The following WWOX variants were observed in gnomAD, a reference collection of about 807,000 sequenced individuals.
The protein encoded by WWOX is WW domain-containing oxidoreductase.
In WWOX, 69 loss-of-function variants were observed where a neutral mutation model predicts 46.2. The observed-to-expected ratio is 1.49, with a 90% CI of 1.23 to 1.82. The LOEUF (loss-of-function observed/expected upper bound fraction) is 1.82. Among genes scored for constraint, WWOX ranks in the 40% most tolerant of loss-of-function variants. The probability of loss-of-function intolerance (pLI) is 0.00; values close to 1 mark genes in which losing one functional copy is unlikely to be tolerated. For missense variants in WWOX, 919 were observed against 542.6 expected (o/e 1.69, Z -6.89); for synonymous variants, 359 against 202.6 (o/e 1.77, Z -6.56).
At chr16:78,669,153 G>C in intron 8 of WWOX, among the ~76,000 whole-genome samples, 1 of 152,148 alleles carries the variant, frequency 6.6e-6, no homozygotes, top group Non-Finnish European at 1.5e-5. Context: ...GGAAGCTGGA[G>C]AAGGGACCCC....
At chr16:78,680,347 C>T (rs150535843) in intron 8 of WWOX, among the ~76,000 whole-genome samples, 1 of 152,194 alleles carries the variant, frequency 6.6e-6, no homozygotes, top group Non-Finnish European at 1.5e-5. Context: ...AGTTCAAGAC[C>T]AGCCTGAACG....
intron 5 of WWOX, among the ~76,000 whole-genome samples, chr16:78,265,405 G>A (rs557062438): frequency 6.6e-6 from 1 of 152,276 alleles, no homozygotes; most frequent in African/African-American, 2.4e-5. Context: ...GAACGGGCAG[G>A]CGTGGTGGCA....
At chr16:78,132,674 G>C (rs2033644798) in intron 4 of WWOX, among the ~76,000 whole-genome samples, 1 of 152,056 alleles carries the variant, frequency 6.6e-6, no homozygotes, top group Non-Finnish European at 1.5e-5. Flanking sequence ...TTATTTTGTG[G>C]GCAGATTTCT....
At chr16:79,113,141 A>T (rs1044454329) in intron 8 of WWOX, among the ~76,000 whole-genome samples, 10 of 152,210 alleles carry the variant, frequency 6.6e-5, no homozygotes, top group African/African-American at 1.9e-4. Context: ...ACACGTTGTG[A>T]TAAGGGTTTT....
chr16:79,197,069 C>A (rs374771972), intron 8 of WWOX, among the ~76,000 whole-genome samples: 3 of 152,126 alleles, frequency 2.0e-5, no homozygotes, highest in Non-Finnish European at 4.4e-5. Context: ...AGTATAGTTA[C>A]CTTGGGCCAG....
chr16:78,885,654 G>A (rs2044439877), intron 8 of WWOX, among the ~76,000 whole-genome samples: 1 of 152,124 alleles, frequency 6.6e-6, no homozygotes, highest in Non-Finnish European at 1.5e-5. Flanking sequence ...TGGTAGACTG[G>A]AGAATTTATG....
At chr16:78,738,613 A>G (rs1417948991) in intron 8 of WWOX, among the ~76,000 whole-genome samples, 3 of 152,178 alleles carry the variant, frequency 2.0e-5, no homozygotes, top group Non-Finnish European at 4.4e-5. Flanking sequence ...CTGAACAGCC[A>G]TTTATATTTT....
rs75570120 is a variant in WWOX at position 78,101,579 on chromosome 16, C to A, written c.107+1694C>A. On this transcript the variant is annotated intron_variant, in intron 1 of 8. Coordinates refer to ENST00000566780, the MANE Select transcript of WWOX (RefSeq NM_016373.4). Reference sequence around the variant, plus strand: ...CAAGTGATCCGCCCACCTCGGCCCCCCAAAGTGTTGGCATTACAGACAGGA... The same window carrying A: ...CAAGTGATCCGCCCACCTCGGCCCCACAAAGTGTTGGCATTACAGACAGGA... Among the ~76,000 whole-genome samples the A allele has an allele frequency of 7.9e-5, 12 of 152,162 alleles. No homozygotes were observed. The East Asian group carries it at 1.2e-3, about 15-fold the overall frequency.
In WWOX at chr16:79,063,362, C is replaced by T. The variant is rs189164425; in HGVS notation, c.1057-148246C>T. ...ATATTTCCTGGCGTGCGTATCTTGG[C>T]CCCATCACATCACAACAGGCTGAAT... On this transcript the variant is annotated intron_variant, in intron 8 of 8. Transcript: ENST00000566780. Among the ~76,000 whole-genome samples, 424 of 152,300 alleles carry T rather than the reference C, an allele frequency of 2.8e-3. 3 individuals are homozygous for T. Among genetic ancestry groups the T allele is most frequent in the African/African-American group, 0.01 (417 of 41,560 alleles).
intron 8 of WWOX, among the ~76,000 whole-genome samples, chr16:78,518,944 A>G (rs1287008140): frequency 6.6e-6 from 1 of 152,240 alleles, no homozygotes; most frequent in African/African-American, 2.4e-5. Flanking sequence ...AGTATAGGAA[A>G]AGGCAGCTTA....
intron 8 of WWOX, among the ~76,000 whole-genome samples, chr16:78,501,280 C>G (rs1311211788): frequency 2.1e-5 from 3 of 144,632 alleles, no homozygotes; most frequent in East Asian, 2.1e-4. Context: ...AAAGCAGACC[C>G]CTTGGTTCAG....
At chr16:78,441,472 G>C (rs1286743788) in intron 8 of WWOX, among the ~76,000 whole-genome samples, 7 of 152,296 alleles carry the variant, frequency 4.6e-5, no homozygotes, top group Admixed American at 3.9e-4. Context: ...GACCTGCTGA[G>C]AGTCACACAG....
In WWOX at chr16:78,221,387, T is replaced by C. The variant is rs552950368; in HGVS notation, c.516+57098T>C. 3.9e-4 allele frequency among the ~76,000 whole-genome samples: 59 copies of C among 152,334 alleles called. No individual in the cohort carries two copies. The South Asian group carries it at 4.1e-3, about 11-fold the overall frequency. ...TAATATAAATACATAAAACTTCCTC[T>C]AGCTTTCTTGTGTTATGTGTAAAGG... On this transcript the variant is annotated intron_variant, in intron 5 of 8. Transcript: ENST00000566780.
chr16:78,140,951 T>G (rs985530563), intron 4 of WWOX, among the ~76,000 whole-genome samples: 1 of 152,224 alleles, frequency 6.6e-6, no homozygotes, highest in African/African-American at 2.4e-5. Flanking sequence ...GGGTCTAGTA[T>G]GTAACTCAGC....
At chr16:78,584,531 C>A (rs368316844) in intron 8 of WWOX, among the ~76,000 whole-genome samples, 15 of 152,106 alleles carry the variant, frequency 9.9e-5, no homozygotes, top group Non-Finnish European at 1.8e-4. Context: ...TAACGGGAGC[C>A]CATTATAAGT....
rs564121273 is a variant in WWOX, at chr16:78,929,026, A to C, written c.1057-282582A>C. 2.0e-5 allele frequency among the ~76,000 whole-genome samples: 3 copies of C among 152,222 alleles called. No homozygotes were observed. In the East Asian group the frequency reaches 5.8e-4, roughly 29 times the overall value. Reference sequence around the variant, plus strand: ...ATAATATACGTTCACATATAGTTACATTAGATTTTTAAAGAATTTCCTTTT... The same window carrying C: ...ATAATATACGTTCACATATAGTTACCTTAGATTTTTAAAGAATTTCCTTTT... On this transcript the variant is annotated intron_variant, in intron 8 of 8. Coordinates refer to ENST00000566780, the MANE Select transcript of WWOX (RefSeq NM_016373.4).
At chr16:78,740,194 C>T (rs911709659) in intron 8 of WWOX, among the ~76,000 whole-genome samples, 1 of 152,184 alleles carries the variant, frequency 6.6e-6, no homozygotes, top group African/African-American at 2.4e-5. Flanking sequence ...CCAGCACCAT[C>T]AGCCTGAAGT....
At chr16:78,621,646 C>T (rs1438605257) in intron 8 of WWOX, among the ~76,000 whole-genome samples, 1 of 81,154 alleles carries the variant, frequency 1.2e-5, no homozygotes, top group Non-Finnish European at 2.2e-5. Flanking sequence ...GCTCTGTTGT[C>T]TAGGCTGGAG....
chr16:78,483,699 T>C (rs978978829), intron 8 of WWOX, among the ~76,000 whole-genome samples: 13 of 152,184 alleles, frequency 8.5e-5, no homozygotes, highest in African/African-American at 3.1e-4. Context: ...GTGTGGCCAA[T>C]CTCACAAGAT....
Sources: allele counts gnomAD v4.1 joint callset (sites outside exome capture counted in the v4.1 genomes callset), GRCh38; gene constraint gnomAD v4.1.1; transcripts MANE v1.5; gene names NCBI Gene and HGNC (gene_info 2026-07-23, HGNC 2026-07-21).